Variants in SHISA6 observed in about 807,000 individuals in gnomAD.
The protein encoded by SHISA6 is shisa family member 6.
SHISA6 carries 22 observed loss-of-function variants against 47.9 expected under a neutral mutation model. The observed-to-expected ratio is 0.46, with a 90% CI of 0.33 to 0.66. The LOEUF is 0.66. Ranked by LOEUF, SHISA6 falls within the 30% of genes least tolerant of loss-of-function variation. SHISA6 has a pLI of 0.02. For synonymous variants in SHISA6, 388 were observed against 337.8 expected, an observed-to-expected ratio of 1.15 and a Z score of -1.63; for missense variants, 680 against 764.6, an observed-to-expected ratio of 0.89 and a Z score of 1.30.
chr17:11,462,417 C>T (rs767119546), intron 3 of SHISA6, among the ~76,000 whole-genome samples: 11 of 152,140 alleles, frequency 7.2e-5, no homozygotes, highest in East Asian at 3.9e-4. Flanking sequence ...GTCATGGATC[C>T]GGCAACAGCT....
In SHISA6 at chr17:11,407,884, C is replaced by T. The variant is rs143464847; in HGVS notation, c.895+28375C>T. Among the ~76,000 whole-genome samples the T allele has an allele frequency of 3.4e-3, 521 of 152,266 alleles. 2 individuals are homozygous for T. Among genetic ancestry groups the T allele is most frequent in the African/African-American group, 0.012 (492 of 41,558 alleles). On this transcript the variant is annotated intron_variant, in intron 3 of 5. Transcript: ENST00000441885. ...CACTGGAGGACCTGCCTGTGAAATG[C>T]GTCTGTCCTCATCACTGCAGTTTTC... is the stretch of plus-strand genomic sequence containing the variant.
intron 2 of SHISA6, among the ~76,000 whole-genome samples, chr17:11,299,635 A>G (rs1909855022): frequency 6.6e-6 from 1 of 152,156 alleles, no homozygotes; most frequent in Non-Finnish European, 1.5e-5. Context: ...TCTAGAGGCC[A>G]TATGCATTCA....
chr17:11,491,895 C>T (rs551830510), intron 3 of SHISA6, among the ~76,000 whole-genome samples: 1 of 151,996 alleles, frequency 6.6e-6, no homozygotes, highest in African/African-American at 2.4e-5. Context: ...CCTCAGCCTC[C>T]TGAGTAGCTG....
chr17:11,246,416 G>A (rs1202846002), intron 1 of SHISA6, among the ~76,000 whole-genome samples: 1 of 152,186 alleles, frequency 6.6e-6, no homozygotes, highest in Non-Finnish European at 1.5e-5. Flanking sequence ...CTTGAACCTG[G>A]GAAGCAGAGG....
chr17:11,462,204 G>C (rs993299732), intron 3 of SHISA6, among the ~76,000 whole-genome samples: 3 of 152,172 alleles, frequency 2.0e-5, no homozygotes, highest in African/African-American at 7.2e-5. Context: ...CTGGGAGAGA[G>C]GGCAAAGTCA....
At chr17:11,359,248 A>G (rs894124761) in intron 2 of SHISA6, among the ~76,000 whole-genome samples, 3 of 152,178 alleles carry the variant, frequency 2.0e-5, no homozygotes, top group African/African-American at 4.8e-5. Flanking sequence ...ACTTTTTAAA[A>G]TTGTCTTCTA....
At chr17:11,494,810 A>G (rs542205042) in intron 3 of SHISA6, among the ~76,000 whole-genome samples, 110 of 152,302 alleles carry the variant, frequency 7.2e-4, no homozygotes, top group Non-Finnish European at 1.3e-3. Flanking sequence ...GCAGTTCTCA[A>G]TGTTGGCTGT....
At chr17:11,373,809 G>C (rs1447907103) in intron 2 of SHISA6, among the ~76,000 whole-genome samples, 1 of 152,142 alleles carries the variant, frequency 6.6e-6, no homozygotes, top group African/African-American at 2.4e-5. Context: ...TTCTCTGGCT[G>C]GGAAGATAGA....
At chr17:11,461,975 C>G (rs1409692779) in intron 3 of SHISA6, among the ~76,000 whole-genome samples, 2 of 152,098 alleles carry the variant, frequency 1.3e-5, no homozygotes, top group South Asian at 4.1e-4. Context: ...TTTCCAAGGG[C>G]AAATATGGGC....
chr17:11,525,661 A>C (rs1457098593), intron 3 of SHISA6, among the ~76,000 whole-genome samples: 1 of 147,444 alleles, frequency 6.8e-6, no homozygotes, highest in Non-Finnish European at 1.5e-5. Context: ...ACAAAAAAAA[A>C]AAAACGTGTT....
chr17:11,496,310 CA>C (rs1397541225), intron 3 of SHISA6, among the ~76,000 whole-genome samples: 4 of 152,202 alleles, frequency 2.6e-5, no homozygotes, highest in Non-Finnish European at 5.9e-5. Flanking sequence ...GGTGAGACTT[CA>C]AAGCAAACTC....
intron 3 of SHISA6, among the ~76,000 whole-genome samples, chr17:11,493,657 C>T (rs145502188): frequency 9.6e-4 from 146 of 152,292 alleles, no homozygotes; most frequent in Non-Finnish European, 1.6e-3. Flanking sequence ...GCAGAGTTGC[C>T]AGGCCCAAGG....
intron 4 of SHISA6, among the ~76,000 whole-genome samples, chr17:11,554,260 G>T (rs1051088064): frequency 1.3e-5 from 2 of 152,136 alleles, no homozygotes; most frequent in African/African-American, 4.8e-5. Flanking sequence ...ATGCCAAGGA[G>T]GCTCTTTCTG....
intron 3 of SHISA6, among the ~76,000 whole-genome samples, chr17:11,451,581 G>A (rs1022277461): frequency 6.6e-6 from 1 of 152,150 alleles, no homozygotes; most frequent in Non-Finnish European, 1.5e-5. Flanking sequence ...GGAACACAAG[G>A]ACTGATAGAG....
chr17:11,326,526 G>C (rs1196773696), intron 2 of SHISA6, among the ~76,000 whole-genome samples: 2 of 152,182 alleles, frequency 1.3e-5, no homozygotes, highest in East Asian at 3.9e-4. Context: ...GCAGTCTTGG[G>C]GTTGGGGCCA....
chr17:11,499,677 T>C (rs2071435052), intron 3 of SHISA6, among the ~76,000 whole-genome samples: 1 of 138,606 alleles, frequency 7.2e-6, no homozygotes, highest in South Asian at 2.4e-4. Context: ...TCTATTCTTT[T>C]TCTTTCTTTT....
intron 2 of SHISA6, among the ~76,000 whole-genome samples, chr17:11,295,446 A>T (rs908492475): frequency 2.0e-5 from 3 of 152,240 alleles, no homozygotes; most frequent in Non-Finnish European, 4.4e-5. Flanking sequence ...AATAACAAAC[A>T]TGCCCACATT....
chr17:11,477,929 A>G (rs1169683838), intron 3 of SHISA6, among the ~76,000 whole-genome samples: 1 of 142,308 alleles, frequency 7.0e-6, no homozygotes, highest in African/African-American at 2.7e-5. Flanking sequence ...CTTTGGGTAT[A>G]TACCCAGTAA....
chr17:11,492,534 T>C (rs1308796191), intron 3 of SHISA6, among the ~76,000 whole-genome samples: 1 of 152,210 alleles, frequency 6.6e-6, no homozygotes, highest in Non-Finnish European at 1.5e-5. Context: ...ATCATAAAAT[T>C]AGGATGATGA....
Sources: allele counts gnomAD v4.1 joint callset (sites outside exome capture counted in the v4.1 genomes callset), GRCh38; gene constraint gnomAD v4.1.1; transcripts MANE v1.5; gene names NCBI Gene and HGNC (gene_info 2026-07-23, HGNC 2026-07-21).